The following FHL2 variants were observed in gnomAD, a reference collection of about 807,000 sequenced individuals.
The protein encoded by FHL2 is four and a half LIM domains protein 2.
FHL2 carries 20 observed loss-of-function variants against 32.7 expected under a neutral mutation model. The observed-to-expected ratio is 0.61, with a 90% CI of 0.43 to 0.89. The LOEUF (loss-of-function observed/expected upper bound fraction) is 0.89, where lower values mean the gene tolerates loss of function less well. Ranked by LOEUF, FHL2 falls within the 40% of genes least tolerant of loss-of-function variation. The pLI is 0.00. For synonymous variants in FHL2, 123 were observed against 128.1 expected (o/e 0.96, Z 0.27); for missense variants, 311 against 358.6 (o/e 0.87, Z 1.07).
intron 4 of FHL2, among the ~76,000 whole-genome samples, chr2:105,368,300 C>CTGTA: frequency 6.6e-6 from 1 of 152,302 alleles, no homozygotes; most frequent in Non-Finnish European, 1.5e-5. Context: ...GTTTTATGCA[C>CTGTA]TGTACTAAGT....
chr2:105,365,174 C>G (rs1164848561), intron 5 of FHL2, among the ~76,000 whole-genome samples: 2 of 152,190 alleles, frequency 1.3e-5, no homozygotes, highest in Non-Finnish European at 2.9e-5. Context: ...GCCCCCAACT[C>G]CTCAGATTAG....
chr2:105,395,378 A>C (rs1683051981), intron 2 of FHL2, among the ~76,000 whole-genome samples: 1 of 152,048 alleles, frequency 6.6e-6, no homozygotes, highest in African/African-American at 2.4e-5. Context: ...ACAAAACGAA[A>C]ACCACCCACT....
At chr2:105,399,722 C>A, upstream of FHL2, 2 of 1,179,966 alleles carry the variant, frequency 1.7e-6, no homozygotes, top group Non-Finnish European at 2.3e-6. Flanking sequence ...GTGACGCTGA[C>A]GCTGGGTAGG....
intron 1 of FHL2, among the ~76,000 whole-genome samples, chr2:105,436,139 T>C (rs570452110): frequency 7.9e-5 from 12 of 152,330 alleles, no homozygotes; most frequent in Admixed American, 6.5e-4. Context: ...TTTCTATTTT[T>C]CATCCACATT....
At chr2:105,399,350 G>T, upstream of FHL2, 1 of 1,535,958 alleles carries the variant, frequency 6.5e-7, no homozygotes, top group Non-Finnish European at 8.7e-7. Flanking sequence ...CGGTGGCAGG[G>T]GTCTGCCCAC....
chr2:105,398,751 G>A, intron 1 of FHL2, 91 bp downstream of exon 1: 1 of 1,081,038 alleles, frequency 9.3e-7, no homozygotes, highest in Non-Finnish European at 1.2e-6. Flanking sequence ...CTACCCCACA[G>A]CTCAACTCCT....
At chr2:105,402,408 G>A (rs970771889), upstream of FHL2, among the ~76,000 whole-genome samples, 4 of 151,898 alleles carry the variant, frequency 2.6e-5, no homozygotes, top group East Asian at 1.9e-4. Flanking sequence ...CACCATACCC[G>A]GCTAATTTTT....
chr2:105,428,084 T>A (rs1684317033), intron 1 of FHL2, among the ~76,000 whole-genome samples: 1 of 152,200 alleles, frequency 6.6e-6, no homozygotes, highest in Non-Finnish European at 1.5e-5. Flanking sequence ...AGGTAAGTAA[T>A]CCTGTTCTGA....
intron 1 of FHL2, among the ~76,000 whole-genome samples, chr2:105,428,239 T>C (rs1314681143): frequency 6.6e-6 from 1 of 152,142 alleles, no homozygotes; most frequent in African/African-American, 2.4e-5. Context: ...GGTATGCGTA[T>C]ATGTGTAAGG....
intron 1 of FHL2, among the ~76,000 whole-genome samples, chr2:105,436,174 G>A (rs1316882557): frequency 3.9e-5 from 6 of 152,074 alleles, no homozygotes; most frequent in Non-Finnish European, 8.8e-5. Flanking sequence ...ATTAAGTGAG[G>A]AGGTGCTGAC....
At chr2:105,396,726 G>C in intron 1 of FHL2, 29 bp from the exon 2 acceptor site, 1 of 1,610,150 alleles carries the variant, frequency 6.2e-7, no homozygotes, top group Non-Finnish European at 8.5e-7. Flanking sequence ...TTTTGTTTCA[G>C]ATGGTCATCT....
At chr2:105,389,219 C>T (rs975119521) in intron 2 of FHL2, among the ~76,000 whole-genome samples, 2 of 152,192 alleles carry the variant, frequency 1.3e-5, no homozygotes, top group Non-Finnish European at 2.9e-5. Context: ...GATAACATCA[C>T]AAGATGAGGC....
At chr2:105,408,738 A>T (rs555430530) in intron 1 of FHL2, among the ~76,000 whole-genome samples, 2 of 152,280 alleles carry the variant, frequency 1.3e-5, no homozygotes, top group Non-Finnish European at 2.9e-5. Context: ...TACCACCATG[A>T]TTGCCACTAT....
At chr2:105,407,118 C>T (rs776911327) in intron 1 of FHL2, among the ~76,000 whole-genome samples, 1 of 152,132 alleles carries the variant, frequency 6.6e-6, no homozygotes, top group Non-Finnish European at 1.5e-5. Context: ...AGCTGCTGGG[C>T]GTGGTGGCTC....
At chr2:105,428,294 GAC>G (rs755966152) in intron 1 of FHL2, among the ~76,000 whole-genome samples, 11 of 152,304 alleles carry the variant, frequency 7.2e-5, no homozygotes, top group Non-Finnish European at 1.3e-4. Flanking sequence ...TAGCTCAGCT[GAC>G]ACAGATTTGG....
chr2:105,383,469 G>GA (rs1185462029), intron 3 of FHL2, among the ~76,000 whole-genome samples: 1 of 152,196 alleles, frequency 6.6e-6, no homozygotes, highest in African/African-American at 2.4e-5. Flanking sequence ...GCTACATAGA[G>GA]AGGATGTTCA....
chr2:105,420,953 C>G (rs1684085656), intron 1 of FHL2, among the ~76,000 whole-genome samples: 1 of 152,158 alleles, frequency 6.6e-6, no homozygotes, highest in Non-Finnish European at 1.5e-5. Context: ...GGCCTGGGGA[C>G]TGGGGACCCC....
chr2:105,402,142 C>T (rs1009585325), upstream of FHL2, among the ~76,000 whole-genome samples: 5 of 148,182 alleles, frequency 3.4e-5, no homozygotes, highest in Admixed American at 2.7e-4. Flanking sequence ...CACATATACA[C>T]ACATATACAC....
chr2:105,373,323 A>G (rs1160114910), intron 4 of FHL2, among the ~76,000 whole-genome samples: 5 of 152,190 alleles, frequency 3.3e-5, no homozygotes, highest in Middle Eastern at 3.2e-3. Context: ...TACTCTAACA[A>G]TTTGACTGCA....
Sources: allele counts gnomAD v4.1 joint callset (sites outside exome capture counted in the v4.1 genomes callset), GRCh38; gene constraint gnomAD v4.1.1; transcripts MANE v1.5; gene names NCBI Gene and HGNC (gene_info 2026-07-23, HGNC 2026-07-21).